Variants in FRMD5 observed in about 807,000 individuals in gnomAD.
FRMD5 encodes the protein FERM domain-containing protein 5.
Under a neutral mutation model 69.0 loss-of-function variants are expected in FRMD5, and 20 were observed. The ratio of observed to expected loss-of-function variants is 0.29; its 90% CI spans 0.20 to 0.42. The LOEUF (loss-of-function observed/expected upper bound fraction) is 0.42. Ranked by LOEUF, FRMD5 falls within the 10% of genes least tolerant of loss-of-function variation. The probability of loss-of-function intolerance (pLI) is 1.00; values close to 1 mark genes in which losing one functional copy is unlikely to be tolerated. For missense variants in FRMD5, 595 were observed against 708.6 expected, an observed-to-expected ratio of 0.84 and a Z score of 1.82; for synonymous variants, 271 against 260.1, an observed-to-expected ratio of 1.04 and a Z score of -0.40.
intron 1 of FRMD5, among the ~76,000 whole-genome samples, chr15:44,138,170 C>T (rs971219613): frequency 2.0e-5 from 3 of 151,960 alleles, no homozygotes; most frequent in African/African-American, 7.3e-5. Context: ...ATTAACACCA[C>T]GATTACCAAT....
chr15:43,944,974 GA>G (rs1364784348), intron 1 of FRMD5, among the ~76,000 whole-genome samples: 5 of 144,346 alleles, frequency 3.5e-5, no homozygotes, highest in Admixed American at 7.1e-5. Flanking sequence ...TTTTTTGATA[GA>G]GGGGGGGTTT....
At chr15:43,974,495 G>A (rs1040210078) in intron 1 of FRMD5, among the ~76,000 whole-genome samples, 1 of 152,080 alleles carries the variant, frequency 6.6e-6, no homozygotes, top group African/African-American at 2.4e-5. Flanking sequence ...TCCCATTCCC[G>A]CATCTACCTT....
rs146866283 is a variant in FRMD5, at chr15:43,982,613, G to A, written c.103-58304C>T. Among the ~76,000 whole-genome samples the A allele has an allele frequency of 3.8e-3, 573 of 152,246 alleles. 2 individuals carry two copies. Among genetic ancestry groups the A allele is most frequent in the Non-Finnish European group, 5.5e-3 (376 of 68,018 alleles). ...TGTGGCATTTTTCCCCCAGAATAGGGCACTTTCATCTGCATTAAGAATTCA... is the reference window on the plus strand; with the variant it reads ...TGTGGCATTTTTCCCCCAGAATAGGACACTTTCATCTGCATTAAGAATTCA... On this transcript the variant is annotated intron_variant, in intron 1 of 13. Coordinates refer to ENST00000417257, the MANE Select transcript of FRMD5 (RefSeq NM_032892.5).
chr15:44,064,029 A>G (rs974764423), intron 1 of FRMD5: 65 of 218,440 alleles, frequency 3.0e-4, no homozygotes, highest in African/African-American at 1.4e-3. Flanking sequence ...TCATGGAAGA[A>G]TTCATGACCA....
chr15:43,921,509 A>T (rs1252969921), intron 2 of FRMD5, among the ~76,000 whole-genome samples: 1 of 152,190 alleles, frequency 6.6e-6, no homozygotes, highest in Non-Finnish European at 1.5e-5. Context: ...GAAGGGACTG[A>T]AGAGCTGTCA....
intron 1 of FRMD5, among the ~76,000 whole-genome samples, chr15:44,129,482 G>A (rs1212307700): frequency 6.6e-6 from 1 of 152,040 alleles, no homozygotes; most frequent in Admixed American, 6.6e-5. Context: ...CAATTCCTCT[G>A]ATTATGTCTT....
At chr15:43,888,935 G>T in intron 8 of FRMD5, 63 bp from the exon 9 acceptor site, 1 of 1,431,032 alleles carries the variant, frequency 7.0e-7, no homozygotes, top group Non-Finnish European at 9.9e-7. Context: ...GCTAAATCTT[G>T]TAGATGCACA....
intron 1 of FRMD5, among the ~76,000 whole-genome samples, chr15:43,924,839 T>C (rs769432872): frequency 1.1e-4 from 16 of 152,148 alleles, no homozygotes; most frequent in Admixed American, 1.3e-4. Flanking sequence ...GTGTCCACAA[T>C]TTAGACATCA....
chr15:44,193,708 G>A lies in FRMD5; in HGVS notation c.102+1245C>T, dbSNP rs1398790502. 2.6e-5 allele frequency among the ~76,000 whole-genome samples: 4 copies of A among 152,370 alleles called. No individual in the cohort carries two copies. The East Asian group carries it at 7.7e-4, about 29-fold the overall frequency. ...TTCGAGGGGAGGGAGAAAAGGGAAAGTGAGGAGAAGGCTGAACTGAGCACG... is the reference window on the plus strand; with the variant it reads ...TTCGAGGGGAGGGAGAAAAGGGAAAATGAGGAGAAGGCTGAACTGAGCACG... On this transcript the variant is annotated intron_variant, in intron 1 of 13. Transcript: ENST00000417257.
At chr15:43,993,701 G>A (rs184412569) in intron 1 of FRMD5, among the ~76,000 whole-genome samples, 9 of 152,190 alleles carry the variant, frequency 5.9e-5, no homozygotes, top group Non-Finnish European at 1.2e-4. Flanking sequence ...TACTATTATT[G>A]TGTTGCGATC....
chr15:44,173,016 G>A (rs183861502), intron 1 of FRMD5, among the ~76,000 whole-genome samples: 7 of 152,234 alleles, frequency 4.6e-5, no homozygotes, highest in Admixed American at 4.6e-4. Context: ...ACATGAAATC[G>A]CTTGTCATCA....
In FRMD5 at chr15:44,188,379, A is replaced by C. The variant is rs559889123; in HGVS notation, c.102+6574T>G. 1.7e-4 allele frequency among the ~76,000 whole-genome samples: 26 copies of C among 152,202 alleles called. No homozygotes were observed. The South Asian group carries it at 4.4e-3, about 26-fold the overall frequency. ...GTTAGAAATGTGAGATTCCTTCTTC[A>C]CCTCTCCCTCTCCCTCACATTTTAC... On this transcript the variant is annotated intron_variant, in intron 1 of 13. Transcript: ENST00000417257.
intron 1 of FRMD5, among the ~76,000 whole-genome samples, chr15:43,924,790 C>T (rs1566839118): frequency 6.6e-6 from 1 of 152,202 alleles, no homozygotes; most frequent in Non-Finnish European, 1.5e-5. Context: ...TCTGCCTTTG[C>T]TCTTGCCCTT....
chr15:44,009,846 A>G (rs1890632866), intron 1 of FRMD5, among the ~76,000 whole-genome samples: 1 of 152,170 alleles, frequency 6.6e-6, no homozygotes, highest in African/African-American at 2.4e-5. Flanking sequence ...TTACCCTTAA[A>G]GTTCCCTGTT....
intron 2 of FRMD5, among the ~76,000 whole-genome samples, chr15:43,923,739 G>A (rs947661360): frequency 1.3e-5 from 2 of 151,952 alleles, no homozygotes; most frequent in Non-Finnish European, 2.9e-5. Flanking sequence ...GCTGTGTAGA[G>A]CAGAGCAAGA....
intron 1 of FRMD5, among the ~76,000 whole-genome samples, chr15:44,083,921 T>C (rs1340940182): frequency 6.6e-6 from 1 of 152,048 alleles, no homozygotes; most frequent in Non-Finnish European, 1.5e-5. Flanking sequence ...CTCAAAAGGC[T>C]TGAAAGGTAT....
At chr15:44,194,892 G>C (rs1375407974) in intron 1 of FRMD5, 61 bp downstream of exon 1, 1 of 1,418,978 alleles carries the variant, frequency 7.0e-7, no homozygotes, top group Non-Finnish European at 9.6e-7. Context: ...CGCCGGCCAA[G>C]TTGACCAGAC....
At chr15:44,105,420 C>G (rs538093625) in intron 1 of FRMD5, among the ~76,000 whole-genome samples, 23 of 152,238 alleles carry the variant, frequency 1.5e-4, no homozygotes, top group African/African-American at 5.5e-4. Context: ...CTTTAAAACA[C>G]CTGTGCTATT....
chr15:44,161,411 G>A lies in FRMD5; in HGVS notation c.102+33542C>T, dbSNP rs75745281. Among the ~76,000 whole-genome samples the A allele has an allele frequency of 7.3e-3, 1,110 of 152,212 alleles. 15 individuals are homozygous for A. Among genetic ancestry groups the A allele is most frequent in the African/African-American group, 0.026 (1,065 of 41,528 alleles). On this transcript the variant is annotated intron_variant, in intron 1 of 13. Transcript: ENST00000417257. ...ATAAGCCTCTTTAGGATACCTCATAGCTTCATTAAATAATTGCTGAGAAGG... is the reference window on the plus strand; with the variant it reads ...ATAAGCCTCTTTAGGATACCTCATAACTTCATTAAATAATTGCTGAGAAGG...
Sources: allele counts gnomAD v4.1 joint callset (sites outside exome capture counted in the v4.1 genomes callset), GRCh38; gene constraint gnomAD v4.1.1; transcripts MANE v1.5; gene names NCBI Gene and HGNC (gene_info 2026-07-23, HGNC 2026-07-21).